GFRA1: variants seen among roughly 807,000 people sequenced by gnomAD.
GFRA1 encodes GDNF family receptor alpha 1, also known as GDNF family receptor alpha-1.
In GFRA1, 16 loss-of-function variants were observed where a neutral mutation model predicts 51.6. The observed-to-expected ratio is 0.31, with a 90% CI of 0.21 to 0.47. The LOEUF is 0.47. Ranked by LOEUF, GFRA1 falls within the 20% of genes least tolerant of loss-of-function variation. GFRA1 has a pLI of 1.00. For synonymous variants in GFRA1, 270 were observed against 241.3 expected, an observed-to-expected ratio of 1.12 and a Z score of -1.10; for missense variants, 530 against 594.3, an observed-to-expected ratio of 0.89 and a Z score of 1.13.
rs562889629 is a variant in GFRA1, at chr10:116,143,320, A to C, written c.434-17763T>G. On this transcript the variant is annotated intron_variant, in intron 5 of 10. Transcript: ENST00000355422. ...TCAAACAAACTGGAACTGTCAGTTC[A>C]ATTTTTTTTTAATTAAAAAAAAAAA... Among the ~76,000 whole-genome samples the C allele has an allele frequency of 2.3e-5, 3 of 133,122 alleles. No homozygotes were observed. The South Asian group carries it at 8.1e-4, about 36-fold the overall frequency. 87.3% of individuals were successfully genotyped at this position (133,122 alleles called of 152,430 possible). A position where few individuals can be genotyped will look rare whatever the true frequency, so the allele number is the denominator to read the frequency against.
intron 5 of GFRA1, among the ~76,000 whole-genome samples, chr10:116,178,880 G>A (rs1350214928): frequency 1.3e-5 from 2 of 152,190 alleles, no homozygotes; most frequent in African/African-American, 4.8e-5. Flanking sequence ...AAGAATCTCA[G>A]TCGGTCCTCT....
rs8192662 is a variant in GFRA1, at chr10:116,270,903, A to T, written c.253T>A (p.Tyr85Asn). Residue 85 changes from tyrosine (Y) to asparagine (N), a missense_variant, in exon 3 of 11, where the codon TAC becomes AAC. Coordinates refer to ENST00000355422, the MANE Select transcript of GFRA1 (RefSeq NM_005264.8). Reference sequence around the variant, plus strand: ...ATACCCCGCTTGCAGCGGCAGTTGTAGAGCGACTTCTGCTTCAGGGCCTCC... The same window carrying T: ...ATACCCCGCTTGCAGCGGCAGTTGTTGAGCGACTTCTGCTTCAGGGCCTCC... ...AMEALKQKSL[Y>N]NCRCKRGMKK... 0.03 allele frequency: 48,917 copies of T among 1,614,030 alleles called. 875 individuals carry two copies. Among genetic ancestry groups the T allele is most frequent in the South Asian group, 0.041 (3,745 of 91,088 alleles).
chr10:116,095,930 C>G (rs140837361), intron 7 of GFRA1, among the ~76,000 whole-genome samples: 60 of 152,238 alleles, frequency 3.9e-4, no homozygotes, highest in Non-Finnish European at 7.4e-4. Flanking sequence ...TCTGCTGTCC[C>G]TGGTACCTGG....
At chr10:116,195,603 T>C (rs1963666648) in intron 5 of GFRA1, among the ~76,000 whole-genome samples, 1 of 152,210 alleles carries the variant, frequency 6.6e-6, no homozygotes, top group Admixed American at 6.5e-5. Flanking sequence ...TAATGCTCTT[T>C]TGCCGGTCAC....
At chr10:116,196,598 TATATATATAGTACTATATATA>T (rs1384615147) in intron 5 of GFRA1, among the ~76,000 whole-genome samples, 7 of 11,890 alleles carry the variant, frequency 5.9e-4, no homozygotes, top group South Asian at 6.9e-3. Context: ...CTATATATAA[TATATATATAGTACTATATATA>T]ATATATATAA....
intron 4 of GFRA1, among the ~76,000 whole-genome samples, chr10:116,224,171 G>A (rs180760333): frequency 6.6e-6 from 1 of 152,324 alleles, no homozygotes; most frequent in Admixed American, 6.5e-5. Flanking sequence ...AAGAGAGATG[G>A]CTATACTCAA....
At position 116,270,850 on chromosome 10, in the gene GFRA1, A is replaced by C; in HGVS notation, c.306T>G (p.Ile102Met). The change falls in exon 3 of 11, where the codon ATT (isoleucine) becomes ATG (methionine). Residue 102 changes from isoleucine to methionine, a missense_variant. Coordinates refer to ENST00000355422, the MANE Select transcript of GFRA1 (RefSeq NM_005264.8). Reference protein sequence around the residue: ...GMKKEKNCLRIYWSMYQSLQG... With the variant: ...GMKKEKNCLRMYWSMYQSLQG... ...GCAGGCTCTGGTACATGCTCCAGTA[A>C]ATGCGCAGGCAGTTCTTCTCCTTCT... 6.2e-7 allele frequency: 1 copy of C among 1,613,762 alleles called. No individual in the cohort carries two copies. The highest frequency in any genetic ancestry group is 8.5e-7 in the Non-Finnish European group (1 of 1,179,972).
At chr10:116,097,206 C>T (rs893695440) in intron 6 of GFRA1, among the ~76,000 whole-genome samples, 1 of 152,200 alleles carries the variant, frequency 6.6e-6, no homozygotes, top group African/African-American at 2.4e-5. Context: ...TAGGATCCTA[C>T]AGCCCATCTG....
At chr10:116,076,915 C>G (rs1197870305) in intron 9 of GFRA1, among the ~76,000 whole-genome samples, 1 of 152,146 alleles carries the variant, frequency 6.6e-6, no homozygotes, top group African/African-American at 2.4e-5. Flanking sequence ...TGAGATCATG[C>G]CTTCTCCCAG....
At chr10:116,221,782 T>G (rs1251492489) in intron 4 of GFRA1, among the ~76,000 whole-genome samples, 1 of 152,156 alleles carries the variant, frequency 6.6e-6, no homozygotes, top group Non-Finnish European at 1.5e-5. Flanking sequence ...CCAGCCACAT[T>G]TTTTTCTGTA....
chr10:116,216,518 A>G (rs1031401554), intron 4 of GFRA1, among the ~76,000 whole-genome samples: 1 of 152,252 alleles, frequency 6.6e-6, no homozygotes, highest in Non-Finnish European at 1.5e-5. Context: ...ACCCCACAGT[A>G]TTAAAGGTAT....
At position 116,125,229 on chromosome 10, in the gene GFRA1, G is replaced by A; in HGVS notation, c.762C>T (p.Tyr254=). ...LNLQDSCKTN[Y]ICRSRLADFF... ...TGCCAGTGCCCACTTACCTGCAGATGTAATTCGTCTTGCAGGAGTCCTGCA... is the reference window on the plus strand; with the variant it reads ...TGCCAGTGCCCACTTACCTGCAGATATAATTCGTCTTGCAGGAGTCCTGCA... The change falls in exon 6 of 11, where the codon TAC becomes TAT. Residue 254 remains tyrosine (Y), a synonymous_variant. Transcript: ENST00000355422. The A allele has an allele frequency of 6.2e-7, 1 of 1,613,588 alleles. No individual in the cohort carries two copies. The highest frequency in any genetic ancestry group is 1.1e-5 in the South Asian group (1 of 91,068).
At chr10:116,117,923 C>T (rs1215499840) in intron 6 of GFRA1, among the ~76,000 whole-genome samples, 5 of 152,064 alleles carry the variant, frequency 3.3e-5, no homozygotes, top group African/African-American at 1.2e-4. Flanking sequence ...CTTTTCAAGG[C>T]CCTTTGCTGG....
intron 5 of GFRA1, among the ~76,000 whole-genome samples, chr10:116,187,151 G>T (rs1354382047): frequency 6.6e-6 from 1 of 152,178 alleles, no homozygotes; most frequent in Non-Finnish European, 1.5e-5. Context: ...AAAAAATGAT[G>T]AATGCAATAC....
In GFRA1 at chr10:116,126,868, C is replaced by T. The variant is rs559681800; in HGVS notation, c.434-1311G>A. ...GGTAGGACTGAAAGATAGGGCAGTGCATTTGCTGCACGTCTAAAGGGCACA... is the reference window on the plus strand; with the variant it reads ...GGTAGGACTGAAAGATAGGGCAGTGTATTTGCTGCACGTCTAAAGGGCACA... On this transcript the variant is annotated intron_variant, in intron 5 of 10. Coordinates refer to ENST00000355422, the MANE Select transcript of GFRA1 (RefSeq NM_005264.8). Among the ~76,000 whole-genome samples, 4 of 152,290 alleles carry T rather than the reference C, an allele frequency of 2.6e-5. No homozygotes were observed. In the East Asian group the frequency reaches 7.7e-4, roughly 29 times the overall value.
chr10:116,217,604 T>C (rs545696559), intron 4 of GFRA1, among the ~76,000 whole-genome samples: 1 of 152,362 alleles, frequency 6.6e-6, no homozygotes, highest in African/African-American at 2.4e-5. Flanking sequence ...TTATGCTGCA[T>C]GTTCAATAGG....
chr10:116,106,540 C>T (rs572199452), intron 6 of GFRA1, among the ~76,000 whole-genome samples: 34 of 152,040 alleles, frequency 2.2e-4, no homozygotes, highest in African/African-American at 7.7e-4. Flanking sequence ...ATCCTGGGGG[C>T]AGACTTCTCA....
chr10:116,105,415 C>T (rs984549593), intron 6 of GFRA1, among the ~76,000 whole-genome samples: 12 of 152,174 alleles, frequency 7.9e-5, no homozygotes, highest in African/African-American at 2.9e-4. Flanking sequence ...GCAGCACCTC[C>T]ACCTTCGGAA....
At chr10:116,219,596 G>A (rs1392578743) in intron 4 of GFRA1, among the ~76,000 whole-genome samples, 1 of 152,164 alleles carries the variant, frequency 6.6e-6, no homozygotes, top group Non-Finnish European at 1.5e-5. Context: ...TGAGAAATCA[G>A]AAGAAGCCAC....
Sources: gnomAD v4.1 joint callset for allele counts (sites outside exome capture counted in the v4.1 genomes callset) on GRCh38, gnomAD v4.1.1 for gene constraint, MANE v1.5 for transcripts, NCBI Gene and HGNC (gene_info 2026-07-23, HGNC 2026-07-21) for gene names.